Variants in CACNB2 observed in about 807,000 individuals in gnomAD.
CACNB2 encodes voltage-dependent L-type calcium channel subunit beta-2.
A neutral mutation model predicts 73.3 loss-of-function variants in CACNB2; 42 were observed. The ratio of observed to expected loss-of-function variants is 0.57; its 90% CI spans 0.45 to 0.74. The LOEUF (loss-of-function observed/expected upper bound fraction) is 0.74. Among genes scored for constraint, CACNB2 ranks in the 30% least tolerant of loss-of-function variants. CACNB2 has a pLI of 0.00. For missense variants in CACNB2, 940 were observed against 853.0 expected, an observed-to-expected ratio of 1.10 and a Z score of -1.27; for synonymous variants, 348 against 310.3, an observed-to-expected ratio of 1.12 and a Z score of -1.28.
chr10:18,467,018 G>A (rs1206394251), intron 3 of CACNB2, among the ~76,000 whole-genome samples: 1 of 152,078 alleles, frequency 6.6e-6, no homozygotes, highest in Non-Finnish European at 1.5e-5. Context: ...GCCGGGCATG[G>A]TGGCAGGTGC....
At chr10:18,421,151 A>G (rs771972438) in intron 3 of CACNB2, among the ~76,000 whole-genome samples, 5 of 152,176 alleles carry the variant, frequency 3.3e-5, no homozygotes, top group Non-Finnish European at 4.4e-5. Context: ...AAGAAAATCT[A>G]TCAATTCAAG....
At chr10:18,505,039 G>T (rs1375612638) in intron 5 of CACNB2, among the ~76,000 whole-genome samples, 1 of 152,124 alleles carries the variant, frequency 6.6e-6, no homozygotes, top group Non-Finnish European at 1.5e-5. Context: ...AAAATTGACA[G>T]AACTCAATGG....
chr10:18,207,501 A>G (rs938698940), intron 2 of CACNB2, among the ~76,000 whole-genome samples: 4 of 152,182 alleles, frequency 2.6e-5, no homozygotes, highest in Non-Finnish European at 4.4e-5. Context: ...TCCCTCATGG[A>G]TAAGGTGGGG....
At chr10:18,216,310 A>G (rs2035508749) in intron 2 of CACNB2, among the ~76,000 whole-genome samples, 1 of 151,564 alleles carries the variant, frequency 6.6e-6, no homozygotes, top group South Asian at 2.1e-4. Context: ...AAATAGCAAT[A>G]ATAAATAATA....
At chr10:18,462,856 T>G (rs1268240740) in intron 3 of CACNB2, among the ~76,000 whole-genome samples, 5 of 152,090 alleles carry the variant, frequency 3.3e-5, no homozygotes, top group Admixed American at 3.3e-4. Flanking sequence ...CCTCCCAGGT[T>G]CAAGAGATTC....
At chr10:18,239,974 G>A (rs1185686866) in intron 2 of CACNB2, among the ~76,000 whole-genome samples, 4 of 152,036 alleles carry the variant, frequency 2.6e-5, no homozygotes, top group East Asian at 1.9e-4. Context: ...ATCTGATAAG[G>A]CAGATAGCTG....
intron 2 of CACNB2, among the ~76,000 whole-genome samples, chr10:18,238,060 G>C (rs969031311): frequency 6.6e-6 from 1 of 152,172 alleles, no homozygotes; most frequent in Non-Finnish European, 1.5e-5. Flanking sequence ...CTTCCAGATG[G>C]AAGGTTGGGC....
chr10:18,514,078 A>C (rs77611305), intron 6 of CACNB2, among the ~76,000 whole-genome samples, 158 bp from the exon 7 acceptor site: 4 of 135,504 alleles, frequency 3.0e-5, no homozygotes, highest in Non-Finnish European at 6.2e-5. Context: ...TTGCATTCTT[A>C]ATGTGCCTTA....
At chr10:18,501,815 A>G (rs1162852089) in intron 5 of CACNB2, among the ~76,000 whole-genome samples, 1 of 152,180 alleles carries the variant, frequency 6.6e-6, no homozygotes, top group Non-Finnish European at 1.5e-5. Context: ...GATGAGTGAA[A>G]CAGAATATGC....
intron 2 of CACNB2, among the ~76,000 whole-genome samples, chr10:18,296,978 T>C (rs2039306094): frequency 6.6e-6 from 1 of 152,234 alleles, no homozygotes; most frequent in South Asian, 2.1e-4. Flanking sequence ...TGTAGGAGTA[T>C]TTTTTAAAAC....
chr10:18,140,590 G>A lies in CACNB2; in HGVS notation c.-147G>A, dbSNP rs1051743641. 1.1e-5 allele frequency: 6 copies of A among 530,648 alleles called. No individual in the cohort carries two copies. In the African/African-American group the frequency reaches 1.2e-4, roughly 11 times the overall value. The allele number at this position is 530,648 out of a possible 1,614,324, so 32.9% of individuals were successfully genotyped here. A position where few individuals can be genotyped will look rare whatever the true frequency, so the allele number is the denominator to read the frequency against. ...CCTGGCAGCAGGGCGCCGAGTCCCG[G>A]GGCGCTGCGGGGCGCTGCGCCGAGA... On this transcript the variant is annotated 5_prime_UTR_variant, in exon 1 of 14. Transcript: ENST00000324631.
At chr10:18,177,465 C>CA (rs35967003) in intron 2 of CACNB2, among the ~76,000 whole-genome samples, 5,783 of 130,282 alleles carry the variant, frequency 0.044, 377 homozygotes, top group African/African-American at 0.15. Flanking sequence ...ATTAAAAATG[C>CA]AAAAAAAAAA....
intron 3 of CACNB2, among the ~76,000 whole-genome samples, chr10:18,483,901 C>G (rs184800854): frequency 1.5e-4 from 23 of 152,310 alleles, no homozygotes; most frequent in Middle Eastern, 3.4e-3. Context: ...TCTTTCATTA[C>G]TGTCCTCGCC....
At chr10:18,410,326 G>T (rs2044547563) in intron 3 of CACNB2, among the ~76,000 whole-genome samples, 1 of 152,096 alleles carries the variant, frequency 6.6e-6, no homozygotes, top group African/African-American at 2.4e-5. Flanking sequence ...CATTAGTTCA[G>T]TTGACCATGT....
At chr10:18,381,925 C>T (rs1014104972) in intron 2 of CACNB2, among the ~76,000 whole-genome samples, 1 of 151,982 alleles carries the variant, frequency 6.6e-6, no homozygotes, top group African/African-American at 2.4e-5. Flanking sequence ...TCCCCGGCAT[C>T]GCCTGGGACA....
At chr10:18,495,022 T>C (rs903656902) in intron 3 of CACNB2, among the ~76,000 whole-genome samples, 1 of 152,278 alleles carries the variant, frequency 6.6e-6, no homozygotes. Context: ...ATTTGGACAG[T>C]AGTTTAGAAT....
intron 5 of CACNB2, among the ~76,000 whole-genome samples, chr10:18,505,593 C>G (rs2050444204): frequency 6.6e-6 from 1 of 152,164 alleles, no homozygotes; most frequent in African/African-American, 2.4e-5. Context: ...ATTCTTTCAA[C>G]TAGACCCTGG....
At chr10:18,402,321 C>T in intron 3 of CACNB2, among the ~76,000 whole-genome samples, 1 of 148,616 alleles carries the variant, frequency 6.7e-6, no homozygotes. Context: ...TTGAATTTGC[C>T]AAGAGGAAAA....
intron 2 of CACNB2, among the ~76,000 whole-genome samples, chr10:18,330,092 C>T (rs1328772422): frequency 2.0e-5 from 3 of 152,158 alleles, no homozygotes; most frequent in East Asian, 1.9e-4. Flanking sequence ...CCACCCTTCT[C>T]GGCCTCCCAA....
Sources: allele counts gnomAD v4.1 joint callset (sites outside exome capture counted in the v4.1 genomes callset), GRCh38; gene constraint gnomAD v4.1.1; transcripts MANE v1.5; gene names NCBI Gene and HGNC (gene_info 2026-07-23, HGNC 2026-07-21).